ZNF536: variants seen among roughly 807,000 people sequenced by gnomAD.
ZNF536 encodes zinc finger protein 536.
ZNF536 carries 13 observed loss-of-function variants against 84.5 expected under a neutral mutation model. The ratio of observed to expected loss-of-function variants is 0.15; its 90% CI spans 0.10 to 0.24. ZNF536 has a LOEUF of 0.24. Among genes scored for constraint, ZNF536 ranks in the 10% least tolerant of loss-of-function variants. The probability of loss-of-function intolerance (pLI) is 1.00; values close to 1 mark genes in which losing one functional copy is unlikely to be tolerated. For synonymous variants in ZNF536, 811 were observed against 742.5 expected (o/e 1.09, Z -1.50); for missense variants, 1,536 against 1,747.5 (o/e 0.88, Z 2.16).
intron 2 of ZNF536, among the ~76,000 whole-genome samples, chr19:30,288,450 A>G (rs764803409): frequency 1.3e-5 from 2 of 152,148 alleles, no homozygotes; most frequent in Non-Finnish European, 1.5e-5. Context: ...TATGCAATGT[A>G]CCCATCTATT....
chr19:30,682,812 A>G (rs766503747), intron 1 of ZNF536, among the ~76,000 whole-genome samples: 1 of 152,158 alleles, frequency 6.6e-6, no homozygotes, highest in Non-Finnish European at 1.5e-5. Flanking sequence ...CCGGGAGTGG[A>G]AAGAATCACC....
chr19:30,442,095 A>C lies in ZNF536; in HGVS notation c.-2-1466A>C, dbSNP rs144130100. ...CCAACACATCTAAACAATGGGATGC[A>C]AGAGGAGAGGTGTGTGCAAAGATGA... On this transcript the variant is annotated intron_variant, in intron 1 of 4. Coordinates refer to ENST00000355537, the MANE Select transcript of ZNF536 (RefSeq NM_014717.3). Among the ~76,000 whole-genome samples the C allele has an allele frequency of 3.9e-4, 59 of 152,342 alleles. No homozygotes were observed. The East Asian group carries it at 0.011, about 28-fold the overall frequency.
At chr19:30,617,608 C>T (rs1485211043) in intron 1 of ZNF536, among the ~76,000 whole-genome samples, 1 of 151,738 alleles carries the variant, frequency 6.6e-6, no homozygotes, top group African/African-American at 2.4e-5. Flanking sequence ...CTGTGGCCTC[C>T]CAAAGTGCTG....
intron 1 of ZNF536, among the ~76,000 whole-genome samples, chr19:30,691,472 AG>A (rs1312880702): frequency 6.6e-6 from 1 of 151,956 alleles, no homozygotes; most frequent in Non-Finnish European, 1.5e-5. Flanking sequence ...AGGACATCAA[AG>A]GGGGTCTCAC....
chr19:30,676,032 A>T (rs748505404), intron 1 of ZNF536, among the ~76,000 whole-genome samples: 9 of 149,656 alleles, frequency 6.0e-5, no homozygotes, highest in Non-Finnish European at 8.9e-5. Context: ...TAATTTTTTA[A>T]TTTTTTTTAA....
intron 2 of ZNF536, among the ~76,000 whole-genome samples, chr19:30,447,288 A>G (rs1334126708): frequency 6.6e-6 from 1 of 152,168 alleles, no homozygotes; most frequent in African/African-American, 2.4e-5. Flanking sequence ...TGCCAGTTTT[A>G]GCTTTGCTGT....
intron 1 of ZNF536, among the ~76,000 whole-genome samples, chr19:30,706,402 G>A (rs577878309): frequency 5.9e-5 from 9 of 151,966 alleles, no homozygotes; most frequent in Admixed American, 4.6e-4. Flanking sequence ...CAGGAGAAAG[G>A]TGTGAACCCG....
intron 2 of ZNF536, among the ~76,000 whole-genome samples, chr19:30,476,792 C>G (rs1227671130): frequency 2.6e-5 from 4 of 152,118 alleles, no homozygotes; most frequent in Non-Finnish European, 5.9e-5. Flanking sequence ...TAGTGGCTCC[C>G]CATGTGATTT....
chr19:30,507,350 C>CA (rs891417674), intron 2 of ZNF536, among the ~76,000 whole-genome samples: 28 of 148,060 alleles, frequency 1.9e-4, no homozygotes, highest in African/African-American at 3.0e-4. Context: ...GACTCCATCT[C>CA]AAAAAAAAAC....
chr19:30,354,513 G>A (rs562076075), intron 3 of ZNF536, among the ~76,000 whole-genome samples: 10 of 152,242 alleles, frequency 6.6e-5, no homozygotes, highest in East Asian at 5.8e-4. Context: ...AATTACAGGC[G>A]TGATCTACTA....
At chr19:30,424,563 G>A (rs760826391) in intron 1 of ZNF536, among the ~76,000 whole-genome samples, 15 of 152,100 alleles carry the variant, frequency 9.9e-5, no homozygotes, top group Admixed American at 6.5e-5. Flanking sequence ...GGACAGGGAC[G>A]TTTGGCTGTA....
At chr19:30,277,709 G>C (rs534034851) in intron 1 of ZNF536, among the ~76,000 whole-genome samples, 1 of 152,196 alleles carries the variant, frequency 6.6e-6, no homozygotes, top group South Asian at 2.1e-4. Flanking sequence ...GCCTGTGTGC[G>C]GAGGCCTGAT....
intron 1 of ZNF536, among the ~76,000 whole-genome samples, chr19:30,431,388 C>A (rs2051452883): frequency 6.6e-6 from 1 of 152,196 alleles, no homozygotes; most frequent in Non-Finnish European, 1.5e-5. Context: ...GCAGAAATTG[C>A]AGGCAGCAGG....
At chr19:30,629,407 G>A (rs902512105) in intron 1 of ZNF536, among the ~76,000 whole-genome samples, 1 of 152,022 alleles carries the variant, frequency 6.6e-6, no homozygotes, top group East Asian at 1.9e-4. Context: ...TGTTGCCCAA[G>A]CTGGTCTCAA....
rs113573800 is a variant in ZNF536, at chr19:30,574,764, A to G, written c.169+25250A>G. Reference sequence around the variant, plus strand: ...TCATCATGATCAAGTGTATAGATCTATCTGTTTGTATACTATAATATCTAT... The same window carrying G: ...TCATCATGATCAAGTGTATAGATCTGTCTGTTTGTATACTATAATATCTAT... On this transcript the variant is annotated intron_variant, in intron 1 of 1. Coordinates refer to the ZNF536 transcript ENST00000592773. Among the ~76,000 whole-genome samples the G allele has an allele frequency of 4.8e-3, 731 of 152,358 alleles. 6 individuals are homozygous for G. The highest frequency in any genetic ancestry group is 0.017 in the African/African-American group (691 of 41,586).
intron 2 of ZNF536, among the ~76,000 whole-genome samples, chr19:30,528,134 C>T (rs190682091): frequency 1.4e-4 from 22 of 152,188 alleles, no homozygotes; most frequent in African/African-American, 4.3e-4. Flanking sequence ...ACGTAGTAAG[C>T]GCCAGGGTGT....
At chr19:30,620,993 T>C (rs2048463142) in intron 1 of ZNF536, among the ~76,000 whole-genome samples, 1 of 152,174 alleles carries the variant, frequency 6.6e-6, no homozygotes, top group Non-Finnish European at 1.5e-5. Flanking sequence ...AAGGGGCTTC[T>C]AATCAAGAGT....
chr19:30,235,266 C>T lies in ZNF536; in HGVS notation c.-190+6593C>T, dbSNP rs1012030122. ...TGCCCATGCCTGTGGCATGGCCGAGCGGGCATTGGAAGCCAGCTGCATTGG... is the reference window on the plus strand; with the variant it reads ...TGCCCATGCCTGTGGCATGGCCGAGTGGGCATTGGAAGCCAGCTGCATTGG... On this transcript the variant is annotated intron_variant, in intron 1 of 5. Coordinates refer to the ZNF536 transcript ENST00000585628. 3.9e-5 allele frequency among the ~76,000 whole-genome samples: 6 copies of T among 152,170 alleles called. No homozygotes were observed. In the East Asian group the frequency reaches 5.8e-4, roughly 15 times the overall value.
intron 2 of ZNF536, among the ~76,000 whole-genome samples, chr19:30,328,321 A>T (rs2047102756): frequency 6.6e-6 from 1 of 152,192 alleles, no homozygotes; most frequent in South Asian, 2.1e-4. Flanking sequence ...ACTTGGCCAC[A>T]GCTACCCAAG....
Sources: allele counts gnomAD v4.1 joint callset (sites outside exome capture counted in the v4.1 genomes callset), GRCh38; gene constraint gnomAD v4.1.1; transcripts MANE v1.5; gene names NCBI Gene and HGNC (gene_info 2026-07-23, HGNC 2026-07-21).